Variants in ARVCF observed in about 807,000 individuals in gnomAD.
ARVCF encodes the protein ARVCF delta catenin family member.
A neutral mutation model predicts 90.9 loss-of-function variants in ARVCF; 66 were observed. That is an observed-to-expected ratio of 0.73 (90% CI 0.60 to 0.89). The LOEUF is 0.89. Ranked by LOEUF, ARVCF falls within the 40% of genes least tolerant of loss-of-function variation. ARVCF has a pLI of 0.00. For missense variants in ARVCF, 1,469 were observed against 1,382.3 expected, an observed-to-expected ratio of 1.06 and a Z score of -1.00; for synonymous variants, 653 against 603.4, an observed-to-expected ratio of 1.08 and a Z score of -1.21.
chr22:19,967,125 TC>T (rs1294717926), downstream of ARVCF: 9 of 1,293,996 alleles, frequency 7.0e-6, no homozygotes, highest in East Asian at 5.0e-4. Context: ...CATGCTCCTT[TC>T]TGCCCTTCCC....
chr22:19,969,851 G>A, downstream of ARVCF: 1 of 985,444 alleles, frequency 1.0e-6, no homozygotes, highest in Non-Finnish European at 1.2e-6. Context: ...ACACAAGGGA[G>A]AAGCCAGCCA....
At position 20,005,046 on chromosome 22, in the gene ARVCF, C is replaced by T. The variant is rs1944571866; in HGVS notation, c.-19+5409G>A. 3.3e-5 allele frequency among the ~76,000 whole-genome samples: 5 copies of T among 151,984 alleles called. No individual in the cohort carries two copies. The South Asian group carries it at 8.3e-4, about 25-fold the overall frequency. ...GAAGGAAAAATAAATTGTACTACAT[C>T]CAAATTTAAAATGTATGTTCATCAA... is the stretch of plus-strand genomic sequence containing the variant. On this transcript the variant is annotated intron_variant, in intron 2 of 19. Coordinates refer to ENST00000263207, the MANE Select transcript of ARVCF (RefSeq NM_001670.3).
At chr22:19,992,196 C>T (rs1944054562) in intron 2 of ARVCF, among the ~76,000 whole-genome samples, 1 of 152,220 alleles carries the variant, frequency 6.6e-6, no homozygotes, top group Non-Finnish European at 1.5e-5. Flanking sequence ...GAGCGAGAGA[C>T]CAGTGCAGGC....
intron 1 of ARVCF, among the ~76,000 whole-genome samples, chr22:20,012,703 T>A (rs1489663856): frequency 2.6e-5 from 4 of 152,242 alleles, no homozygotes; most frequent in Non-Finnish European, 5.9e-5. Context: ...TGGCTGGCCA[T>A]GGGGCTCTGT....
rs972528321 is a variant in ARVCF at position 19,974,213 on chromosome 22, C to T, written c.1987G>A (p.Val663Met). 1 of 1,612,062 alleles carries T rather than the reference C, an allele frequency of 6.2e-7. No individual in the cohort carries two copies. The highest frequency in any genetic ancestry group is 2.2e-5 in the East Asian group (1 of 44,858). ...AGGAGGGAGAGGTAGAGACGTACCA[C>T]CTCGGGCTGGTACAGCAGCTCAAAG... ...KGFELLYQPEVVRLYLSLLTE... is the reference protein window; with the variant it reads ...KGFELLYQPEMVRLYLSLLTE... The change falls in exon 12 of 20, where the codon GTG becomes ATG. Residue 663 changes from valine (V) to methionine (M), a missense_variant. Val to Met is a conservative substitution (Grantham distance 21). Transcript: ENST00000263207.
chr22:19,973,215 T>C lies in ARVCF; in HGVS notation c.2342A>G (p.Asn781Ser). The C allele has an allele frequency of 3.1e-6, 5 of 1,610,792 alleles. No individual in the cohort carries two copies. The highest frequency in any genetic ancestry group is 1.3e-5 in the African/African-American group (1 of 75,012). ...LEEDTVVAVL[N>S]TIHEIVSDSL... ...GTCGGACACGATTTCGTGGATGGTG[T>C]TGAGCACCGCCACCACGGTGTCTTC... Residue 781 changes from asparagine to serine, a missense_variant, in exon 14 of 20, where the codon AAC (asparagine) becomes AGC (serine). Physicochemically the swap from Asn to Ser is conservative, Grantham distance 46. Transcript: ENST00000263207.
At chr22:19,992,596 G>C (rs1161192267) in intron 2 of ARVCF, among the ~76,000 whole-genome samples, 1 of 152,198 alleles carries the variant, frequency 6.6e-6, no homozygotes, top group Non-Finnish European at 1.5e-5. Flanking sequence ...CCAGCCCTCA[G>C]CCCAGTCCTG....
intron 7 of ARVCF, 91 bp downstream of exon 7, chr22:19,978,806 C>T: frequency 6.8e-7 from 1 of 1,460,178 alleles, no homozygotes; most frequent in Non-Finnish European, 9.2e-7. Context: ...CTCTGGCGCT[C>T]CTAAGCTCGC....
intron 10 of ARVCF, among the ~76,000 whole-genome samples, chr22:19,976,166 A>T (rs1943142962): frequency 6.6e-6 from 1 of 152,188 alleles, no homozygotes; most frequent in Non-Finnish European, 1.5e-5. Flanking sequence ...GTAAGGCAGA[A>T]CTAGGGGGAA....
At chr22:20,005,840 T>C (rs1054196162) in intron 2 of ARVCF, among the ~76,000 whole-genome samples, 1 of 149,678 alleles carries the variant, frequency 6.7e-6, no homozygotes, top group African/African-American at 2.5e-5. Flanking sequence ...CCAAGAGATA[T>C]GTGCACAATC....
At chr22:20,007,552 C>A (rs568002458) in intron 2 of ARVCF, among the ~76,000 whole-genome samples, 2 of 152,212 alleles carry the variant, frequency 1.3e-5, no homozygotes, top group Non-Finnish European at 1.5e-5. Flanking sequence ...TAATTCCCAA[C>A]GCAACAGTGT....
chr22:20,013,937 A>G (rs1165239556), intron 1 of ARVCF, among the ~76,000 whole-genome samples: 2 of 152,064 alleles, frequency 1.3e-5, no homozygotes, highest in Non-Finnish European at 2.9e-5. Context: ...CGATGGCACA[A>G]TCTTGGCTCA....
intron 2 of ARVCF, among the ~76,000 whole-genome samples, chr22:19,996,563 T>G (rs1944260301): frequency 6.6e-6 from 1 of 152,200 alleles, no homozygotes; most frequent in South Asian, 2.1e-4. Flanking sequence ...ACAATCGACA[T>G]GTTGGGATCA....
In ARVCF at chr22:20,011,721, G is replaced by A. The variant is rs866441083; in HGVS notation, c.-72-1213C>T. ...AGCCCATCCACCAGCACTGCGCCCC[G>A]AGGAAGAGGAGATGCTGCTCCTACT... On this transcript the variant is annotated intron_variant, in intron 1 of 19. Transcript: ENST00000263207. Among the ~76,000 whole-genome samples the A allele has an allele frequency of 2.6e-5, 4 of 152,340 alleles. No homozygotes were observed. In the South Asian group the frequency reaches 6.2e-4, roughly 24 times the overall value.
In ARVCF at chr22:19,980,151, G is replaced by A. The variant is rs750175188; in HGVS notation, c.988C>T (p.Arg330Trp). Residue 330 changes from arginine to tryptophan, a missense_variant, in exon 6 of 20, where the codon CGG becomes TGG. By Grantham distance (101) the Arg-to-Trp change is moderately radical. Coordinates refer to ENST00000263207, the MANE Select transcript of ARVCF (RefSeq NM_001670.3). Reference protein sequence around the residue: ...MVTAPLAQPERGSMGSLDRLV... With the variant: ...MVTAPLAQPEWGSMGSLDRLV... ...CGGTCCAGGCTGCCCATGCTGCCCC[G>A]TTCAGGCTGGGCCAGGGGCGCCGTC... 20 of 1,589,476 alleles carry A rather than the reference G, an allele frequency of 1.3e-5. No individual in the cohort carries two copies. The Admixed American group carries it at 1.3e-4, about 11-fold the overall frequency.
intron 2 of ARVCF, among the ~76,000 whole-genome samples, chr22:19,997,119 G>C (rs567353708): frequency 2.0e-5 from 3 of 152,386 alleles, no homozygotes; most frequent in Non-Finnish European, 4.4e-5. Flanking sequence ...GGGAGGTCCA[G>C]GGGGACTAGG....
Position 19,975,719 on chromosome 22 carries a change from G to A in ARVCF, c.1927C>T (p.Leu643=). 6.2e-7 allele frequency: 1 copy of A among 1,613,698 alleles called. No homozygotes were observed. Among genetic ancestry groups the A allele is most frequent in the Non-Finnish European group, 8.5e-7 (1 of 1,179,984 alleles). ...GCCTCAGTTCGCTTGGGCAGGTCTA[G>A]CGTGTCAAAGTTCCGGTCCATCTCA... The part of the protein sequence containing the change: ...DGEMDRNFDT[L]DLPKRTEAAK... The change falls in exon 11 of 20, where the codon CTA becomes TTA. Residue 643 remains leucine, a synonymous_variant. Coordinates refer to ENST00000263207, the MANE Select transcript of ARVCF (RefSeq NM_001670.3).
In ARVCF at chr22:19,973,410, G is replaced by A. The variant is rs1347478473; in HGVS notation, c.2240-93C>T. 8 of 1,437,008 alleles carry A rather than the reference G, an allele frequency of 5.6e-6. No homozygotes were observed. In the South Asian group the frequency reaches 8.1e-5, roughly 15 times the overall value. The allele number at this position is 1,437,008 out of a possible 1,614,324, so 89.0% of individuals were successfully genotyped here. On this transcript the variant is annotated intron_variant, in intron 13 of 19. Coordinates refer to ENST00000263207, the MANE Select transcript of ARVCF (RefSeq NM_001670.3). ...GCGAGGGCGAGGGGCACTGCCAGGA[G>A]AGCCCCTGGAGACCGCCTGTGTGCA...
chr22:19,976,726 G>A lies in ARVCF; in HGVS notation c.1871-3C>T. 3 of 1,560,654 alleles carry A rather than the reference G, an allele frequency of 1.9e-6. No homozygotes were observed. The highest frequency in any genetic ancestry group is 2.6e-6 in the Non-Finnish European group (3 of 1,152,008). On this transcript the variant is annotated splice_region_variant and splice_polypyrimidine_tract_variant and intron_variant, in intron 9 of 19. Coordinates refer to ENST00000263207, the MANE Select transcript of ARVCF (RefSeq NM_001670.3). ...CTCACCTTGGTGGAACCACTCCTCT[G>A]GGAGGCCGGAGGAAGCAGAGGAGAG...
Sources: gnomAD v4.1 joint callset for allele counts (sites outside exome capture counted in the v4.1 genomes callset) on GRCh38, gnomAD v4.1.1 for gene constraint, MANE v1.5 for transcripts, NCBI Gene and HGNC (gene_info 2026-07-23, HGNC 2026-07-21) for gene names.